Variants in COL4A6 observed in about 807,000 individuals in gnomAD.
COL4A6 encodes collagen type IV alpha 6 chain, also known as collagen alpha-6(IV) chain.
Under a neutral mutation model 126.7 loss-of-function variants are expected in COL4A6, and 59 were observed. The observed-to-expected ratio is 0.47, with a 90% CI of 0.38 to 0.58. COL4A6 has a LOEUF of 0.58. COL4A6 is among the 20% of genes least tolerant of loss of function. COL4A6 has a pLI of 0.00. For missense variants in COL4A6, 1,285 were observed against 1,337.3 expected (o/e 0.96, Z 0.61); for synonymous variants, 547 against 496.6 (o/e 1.10, Z -1.35).
chrX:108,326,510 A>G (rs1455870985), intron 2 of COL4A6, among the ~76,000 whole-genome samples: 1 of 112,286 alleles, frequency 8.9e-6, no homozygotes, highest in Non-Finnish European at 1.9e-5. Context: ...AACAACTTAG[A>G]AAAAGAAAAA....
At chrX:108,178,319 C>G (rs1299622020) in intron 27 of COL4A6, among the ~76,000 whole-genome samples, 3 of 112,394 alleles carry the variant, frequency 2.7e-5, no homozygotes, top group African/African-American at 3.2e-5. Flanking sequence ...TCTCCCCAAC[C>G]AAAAGCAGGC....
chrX:108,418,832 C>T (rs2041480433), intron 2 of COL4A6, among the ~76,000 whole-genome samples: 1 of 112,129 alleles, frequency 8.9e-6, no homozygotes, highest in Non-Finnish European at 1.9e-5. Flanking sequence ...CATATAAAAA[C>T]CCAATGATGT....
chrX:108,425,140 A>G (rs2147367225), intron 2 of COL4A6, among the ~76,000 whole-genome samples: 1 of 109,567 alleles, frequency 9.1e-6, no homozygotes, highest in African/African-American at 3.3e-5. Context: ...CACTGATTGT[A>G]TTAATGGGTG....
At chrX:108,423,278 A>G (rs933202897) in intron 2 of COL4A6, among the ~76,000 whole-genome samples, 1 of 112,181 alleles carries the variant, frequency 8.9e-6, no homozygotes, top group Non-Finnish European at 1.9e-5. Flanking sequence ...CATGCTTCCA[A>G]TGGACAGAAA....
At chrX:108,407,077 C>T (rs112628381) in intron 2 of COL4A6, among the ~76,000 whole-genome samples, 137 of 112,275 alleles carry the variant, frequency 1.2e-3, no homozygotes, top group African/African-American at 4.0e-3. Flanking sequence ...AGTTTTATGG[C>T]GTCTGTGATT....
At chrX:108,300,886 G>A (rs1432354832) in intron 3 of COL4A6, among the ~76,000 whole-genome samples, 1 of 111,544 alleles carries the variant, frequency 9.0e-6, no homozygotes, top group African/African-American at 3.3e-5. Flanking sequence ...AACACAATGA[G>A]ATAAAAGAAA....
At chrX:108,384,311 T>C (rs762808174) in intron 2 of COL4A6, among the ~76,000 whole-genome samples, 6 of 111,963 alleles carry the variant, frequency 5.4e-5, no homozygotes, top group Non-Finnish European at 1.1e-4. Context: ...TAACTCTCCA[T>C]CCATCCATCT....
At chrX:108,412,780 A>G (rs1315531093) in intron 2 of COL4A6, among the ~76,000 whole-genome samples, 1 of 112,376 alleles carries the variant, frequency 8.9e-6, no homozygotes, top group African/African-American at 3.2e-5. Context: ...CAACCACTGC[A>G]TAACAAAGGC....
At chrX:108,185,473 G>A (rs2034832320) in intron 23 of COL4A6, among the ~76,000 whole-genome samples, 1 of 109,959 alleles carries the variant, frequency 9.1e-6, no homozygotes, top group Non-Finnish European at 1.9e-5. Context: ...AAAGAATCTT[G>A]AATTATCAAG....
At chrX:108,336,365 GA>G (rs35305604) in intron 2 of COL4A6, among the ~76,000 whole-genome samples, 1 of 111,729 alleles carries the variant, frequency 9.0e-6, no homozygotes, top group Non-Finnish European at 1.9e-5. Flanking sequence ...GATGAATGTC[GA>G]AAAGGTTATG....
intron 2 of COL4A6, among the ~76,000 whole-genome samples, chrX:108,358,391 A>C (rs1603155860): frequency 9.7e-6 from 1 of 103,438 alleles, no homozygotes; most frequent in Non-Finnish European, 1.9e-5. Context: ...AAGGATAATG[A>C]CTTTTTTTTT....
At chrX:108,262,527 C>T (rs761859074) in intron 3 of COL4A6, among the ~76,000 whole-genome samples, 5 of 111,340 alleles carry the variant, frequency 4.5e-5, no homozygotes, top group Non-Finnish European at 9.4e-5. Flanking sequence ...AGTGAAAAAA[C>T]TGGGTGTAAT....
intron 2 of COL4A6, among the ~76,000 whole-genome samples, chrX:108,429,150 A>C (rs768328629): frequency 8.9e-6 from 1 of 112,412 alleles, no homozygotes; most frequent in South Asian, 3.7e-4. Context: ...GATAAATCTC[A>C]AAAGTGCTAT....
intron 2 of COL4A6, among the ~76,000 whole-genome samples, chrX:108,350,370 T>C (rs1048925102): frequency 9.0e-6 from 1 of 111,097 alleles, no homozygotes; most frequent in African/African-American, 3.3e-5. Flanking sequence ...AAAATCTGGT[T>C]CTCAAACCAG....
intron 2 of COL4A6, among the ~76,000 whole-genome samples, chrX:108,404,893 T>C (rs2049989568): frequency 1.8e-5 from 2 of 112,046 alleles, no homozygotes; most frequent in South Asian, 3.7e-4. Flanking sequence ...GAGCCAGGTA[T>C]TCATCTTGAA....
chrX:108,426,902 G>A (rs187747729), intron 2 of COL4A6, among the ~76,000 whole-genome samples: 1 of 111,594 alleles, frequency 9.0e-6, no homozygotes, highest in East Asian at 2.8e-4. Context: ...AGAAATAGAA[G>A]GAGAAAAAAT....
chrX:108,180,628 A>T lies in COL4A6; in HGVS notation c.2024-6T>A. 1 of 1,157,350 alleles carries T rather than the reference A, an allele frequency of 8.6e-7. No homozygotes were observed. Among genetic ancestry groups the T allele is most frequent in the South Asian group, 1.9e-5 (1 of 51,388 alleles). ...GCCTCGAGACCCTTTAGGGCCTGAA[A>T]ACCCAAATGTAAGCAATGAGGGGAA... On this transcript the variant is annotated splice_region_variant and splice_polypyrimidine_tract_variant and intron_variant, in intron 24 of 44. Transcript: ENST00000334504.
At chrX:108,348,943 G>A (rs540262362) in intron 2 of COL4A6, among the ~76,000 whole-genome samples, 1 of 111,776 alleles carries the variant, frequency 8.9e-6, no homozygotes, top group South Asian at 3.8e-4. Context: ...TGGTATGCTA[G>A]AGTCAGATCA....
chrX:108,439,328 G>A (rs1352843324), upstream of COL4A6: 2 of 724,287 alleles, frequency 2.8e-6, no homozygotes, highest in South Asian at 5.8e-5. Flanking sequence ...CACACATAAA[G>A]TATTCACGCA....
Sources: allele counts gnomAD v4.1 joint callset (sites outside exome capture counted in the v4.1 genomes callset), GRCh38; gene constraint gnomAD v4.1.1; transcripts MANE v1.5; gene names NCBI Gene and HGNC (gene_info 2026-07-23, HGNC 2026-07-21).